PCDH9: variants seen among roughly 807,000 people sequenced by gnomAD.
The protein encoded by PCDH9 is protocadherin-9.
PCDH9 carries 24 observed loss-of-function variants against 70.6 expected under a neutral mutation model. The observed-to-expected ratio is 0.34, with a 90% CI of 0.25 to 0.48. PCDH9 has a LOEUF of 0.48. PCDH9 is among the 20% of genes least tolerant of loss of function. The pLI is 0.99. For synonymous variants in PCDH9, 562 were observed against 558.5 expected, an observed-to-expected ratio of 1.01 and a Z score of -0.09; for missense variants, 1,281 against 1,503.6, an observed-to-expected ratio of 0.85 and a Z score of 2.45.
chr13:67,015,165 C>A (rs1015529364), intron 2 of PCDH9, among the ~76,000 whole-genome samples: 1 of 152,078 alleles, frequency 6.6e-6, no homozygotes, highest in African/African-American at 2.4e-5. Flanking sequence ...ATTGGTAACT[C>A]TTTTGAAGAC....
chr13:66,461,548 C>CAA (rs879897582), intron 4 of PCDH9, among the ~76,000 whole-genome samples: 14 of 136,516 alleles, frequency 1.0e-4, no homozygotes, highest in African/African-American at 3.7e-4. Context: ...ATCAACTCTG[C>CAA]AAAAAAAAAA....
chr13:66,527,726 A>G (rs1304301463), intron 4 of PCDH9, among the ~76,000 whole-genome samples: 1 of 152,146 alleles, frequency 6.6e-6, no homozygotes, highest in African/African-American at 2.4e-5. Flanking sequence ...TTTATTAAAG[A>G]TAAATTATCA....
At chr13:66,935,485 T>C (rs1360011928) in intron 2 of PCDH9, among the ~76,000 whole-genome samples, 2 of 152,098 alleles carry the variant, frequency 1.3e-5, no homozygotes, top group Non-Finnish European at 2.9e-5. Context: ...CTTATAAAAA[T>C]AGAAATAAAG....
chr13:66,627,357 T>A (rs936483373), intron 4 of PCDH9, among the ~76,000 whole-genome samples: 1 of 152,136 alleles, frequency 6.6e-6, no homozygotes, highest in African/African-American at 2.4e-5. Flanking sequence ...TTCATCAATA[T>A]CACTGTACCT....
intron 4 of PCDH9, among the ~76,000 whole-genome samples, chr13:66,419,249 C>G (rs1023053131): frequency 6.6e-6 from 1 of 151,996 alleles, no homozygotes; most frequent in Admixed American, 6.6e-5. Context: ...ACAACAAAAA[C>G]AGAAAATTTC....
intron 3 of PCDH9, among the ~76,000 whole-genome samples, chr13:66,642,867 G>A (rs1390764448): frequency 6.6e-6 from 1 of 151,896 alleles, no homozygotes; most frequent in Non-Finnish European, 1.5e-5. Context: ...TTGAAGGACA[G>A]CACTTATTTA....
intron 2 of PCDH9, among the ~76,000 whole-genome samples, chr13:67,060,706 C>A (rs898872235): frequency 3.9e-5 from 6 of 152,048 alleles, no homozygotes; most frequent in African/African-American, 1.4e-4. Context: ...TTAAATCACT[C>A]TCAGAGCAAT....
intron 4 of PCDH9, among the ~76,000 whole-genome samples, chr13:66,629,289 C>A (rs144366575): frequency 2.4e-4 from 37 of 152,240 alleles, no homozygotes; most frequent in African/African-American, 8.2e-4. Context: ...TTGTCTGAGG[C>A]CCATAGACAA....
At chr13:66,655,423 A>G (rs980929439) in intron 3 of PCDH9, among the ~76,000 whole-genome samples, 14 of 152,032 alleles carry the variant, frequency 9.2e-5, no homozygotes, top group African/African-American at 3.4e-4. Context: ...GGACTATTCA[A>G]TGCAATGAAA....
At chr13:66,307,850 ATATGTATACCT>A (rs1316736506) in intron 4 of PCDH9, among the ~76,000 whole-genome samples, 1 of 152,128 alleles carries the variant, frequency 6.6e-6, no homozygotes, top group African/African-American at 2.4e-5. Context: ...GTTTATAAGA[ATATGTATACCT>A]TAGGTTTTCA....
chr13:66,564,750 T>G (rs1477013723), intron 4 of PCDH9, among the ~76,000 whole-genome samples: 1 of 152,156 alleles, frequency 6.6e-6, no homozygotes, highest in African/African-American at 2.4e-5. Flanking sequence ...ATTTTCCTGA[T>G]GCAGAGTCAA....
rs574749590 is a variant in PCDH9, at chr13:66,615,707, A to C, written c.3340+15503T>G. 3.9e-5 allele frequency among the ~76,000 whole-genome samples: 6 copies of C among 152,374 alleles called. No individual in the cohort carries two copies. In the East Asian group the frequency reaches 1.2e-3, roughly 29 times the overall value. On this transcript the variant is annotated intron_variant, in intron 4 of 4. Transcript: ENST00000377865. ...CAGCGTTAATTAAATGACTGAATTC[A>C]GAAAGCTGAAGCAACTTTTTTGACT... is the stretch of plus-strand genomic sequence containing the variant.
chr13:67,151,061 C>G (rs552966037), intron 2 of PCDH9, among the ~76,000 whole-genome samples: 3 of 152,262 alleles, frequency 2.0e-5, no homozygotes, highest in African/African-American at 7.2e-5. Context: ...TCCCTCTGCC[C>G]TCACTTATTT....
rs535963479 is a variant in PCDH9, at chr13:66,787,008, A to G, written c.3138+116496T>C. ...ACAAAAACAAATCAAAATAATATTT[A>G]TCCAACATCTTAACCAAGCTTCTCC... On this transcript the variant is annotated intron_variant, in intron 3 of 4. Transcript: ENST00000377865. 1.2e-4 allele frequency among the ~76,000 whole-genome samples: 18 copies of G among 152,344 alleles called. No individual in the cohort carries two copies. The East Asian group carries it at 2.1e-3, about 18-fold the overall frequency.
intron 3 of PCDH9, among the ~76,000 whole-genome samples, chr13:66,642,673 A>G (rs923530833): frequency 3.9e-5 from 6 of 152,136 alleles, no homozygotes; most frequent in South Asian, 2.1e-4. Flanking sequence ...CCTAAAATAC[A>G]TTAGAAGTAG....
At chr13:67,017,668 T>C (rs1313910191) in intron 2 of PCDH9, among the ~76,000 whole-genome samples, 1 of 152,214 alleles carries the variant, frequency 6.6e-6, no homozygotes, top group East Asian at 1.9e-4. Context: ...ATCCCAAATG[T>C]AATATGCAAA....
At chr13:66,491,331 G>A (rs1444844978) in intron 4 of PCDH9, among the ~76,000 whole-genome samples, 1 of 151,146 alleles carries the variant, frequency 6.6e-6, no homozygotes, top group Admixed American at 6.6e-5. Context: ...CACCTAGAAC[G>A]GAACAGATTT....
chr13:67,199,058 A>G (rs1456533823), intron 2 of PCDH9, among the ~76,000 whole-genome samples: 2 of 151,616 alleles, frequency 1.3e-5, no homozygotes. Flanking sequence ...TATAAAAGAT[A>G]ACTAAACTGA....
intron 2 of PCDH9, among the ~76,000 whole-genome samples, chr13:66,964,004 T>A (rs1367143514): frequency 6.6e-6 from 1 of 152,060 alleles, no homozygotes; most frequent in African/African-American, 2.4e-5. Flanking sequence ...CTATGAGTAG[T>A]TTACAGACTT....
Sources: gnomAD v4.1 joint callset for allele counts (sites outside exome capture counted in the v4.1 genomes callset) on GRCh38, gnomAD v4.1.1 for gene constraint, MANE v1.5 for transcripts, NCBI Gene and HGNC (gene_info 2026-07-23, HGNC 2026-07-21) for gene names.